Variants in FARP2 observed in about 807,000 individuals in gnomAD.
FARP2 encodes FERM, ARH/RhoGEF and pleckstrin domain protein 2.
FARP2 carries 111 observed loss-of-function variants against 130.5 expected under a neutral mutation model. The ratio of observed to expected loss-of-function variants is 0.85; its 90% CI spans 0.73 to 1.00. The LOEUF is 1.00. Ranked by LOEUF, FARP2 falls within the 50% of genes least tolerant of loss-of-function variation. FARP2 has a pLI of 0.00. For synonymous variants in FARP2, 504 were observed against 516.9 expected (o/e 0.98, Z 0.34); for missense variants, 1,385 against 1,346.3 (o/e 1.03, Z -0.45).
At chr2:241,452,391 T>C (rs2063683317) in intron 13 of FARP2, among the ~76,000 whole-genome samples, 1 of 152,188 alleles carries the variant, frequency 6.6e-6, no homozygotes, top group Non-Finnish European at 1.5e-5. Context: ...CGCCAGTTGC[T>C]TGTTTTAAAA....
chr2:241,491,603 G>A lies in FARP2; in HGVS notation c.2711G>A (p.Arg904Gln), dbSNP rs529733307. The A allele has an allele frequency of 6.1e-5, 98 of 1,613,726 alleles. No homozygotes were observed. The highest frequency in any genetic ancestry group is 1.7e-4 in the Middle Eastern group (1 of 6,060). The change falls in exon 24 of 27, where the codon CGG (arginine) becomes CAG (glutamine). Residue 904 changes from arginine to glutamine, a missense_variant. Physicochemically the swap from Arg to Gln is conservative, Grantham distance 43. Coordinates refer to ENST00000264042, the MANE Select transcript of FARP2 (RefSeq NM_014808.4). ...RSSLEGHGQH[R>Q]ANTTMHVCWY... Reference sequence around the variant, plus strand: ...TCCCTGGAGGGGCATGGCCAGCACCGGGCCAACACCACAATGCACGTGTGC... The same window carrying A: ...TCCCTGGAGGGGCATGGCCAGCACCAGGCCAACACCACAATGCACGTGTGC...
chr2:241,481,461 G>A (rs1428617359), intron 19 of FARP2, among the ~76,000 whole-genome samples: 11 of 152,214 alleles, frequency 7.2e-5, no homozygotes, highest in Admixed American at 7.2e-4. Flanking sequence ...AGCCTTGTTA[G>A]AAGAAGGTAT....
intron 13 of FARP2, among the ~76,000 whole-genome samples, chr2:241,453,769 G>T (rs11288777): frequency 0.27 from 14,713 of 54,122 alleles, 2,168 homozygotes; most frequent in Admixed American, 0.41. Context: ...GCACTTACTG[G>T]TTTTTTTTTT....
At chr2:241,458,827 G>C (rs1037024628) in intron 14 of FARP2, among the ~76,000 whole-genome samples, 1 of 152,250 alleles carries the variant, frequency 6.6e-6, no homozygotes, top group Non-Finnish European at 1.5e-5. Context: ...CTGGTGGCAA[G>C]TGGCCCTGGG....
intron 2 of FARP2, among the ~76,000 whole-genome samples, chr2:241,392,949 GAA>G (rs577909105): frequency 7.3e-6 from 1 of 137,068 alleles, no homozygotes; most frequent in Non-Finnish European, 1.6e-5. Context: ...TCTCAAAAAA[GAA>G]AAAAAAAAAG....
intron 2 of FARP2, among the ~76,000 whole-genome samples, chr2:241,396,665 A>G (rs1255390337): frequency 1.3e-5 from 2 of 152,264 alleles, no homozygotes; most frequent in African/African-American, 4.8e-5. Context: ...AATGGCGATC[A>G]TTAAAAAGTC....
chr2:241,466,264 G>A (rs1024391746), intron 17 of FARP2: 31 of 985,452 alleles, frequency 3.1e-5, no homozygotes, highest in East Asian at 2.3e-4. Flanking sequence ...CTGGAGCCCC[G>A]GTGTGGAGTG....
chr2:241,483,596 G>C (rs1025812509), intron 20 of FARP2, 63 bp downstream of exon 20: 2 of 1,533,016 alleles, frequency 1.3e-6, no homozygotes, highest in Admixed American at 1.7e-5. Context: ...AGTTCTGTTA[G>C]GGACATCGCC....
intron 8 of FARP2, among the ~76,000 whole-genome samples, chr2:241,431,217 C>G (rs932467899): frequency 1.3e-5 from 2 of 152,124 alleles, no homozygotes; most frequent in African/African-American, 4.8e-5. Flanking sequence ...CTTTTTCCAT[C>G]TCTTTGAACC....
chr2:241,463,424 C>A lies in FARP2; in HGVS notation c.1767C>A (p.Phe589Leu), dbSNP rs773044165. ...CCAACATCGATCCCATCTATGAGTT[C>A]CACAGAGGCTTCCTGCGCGAGGTGG... is the stretch of plus-strand genomic sequence containing the variant. The part of the protein sequence containing the change: ...LFSNIDPIYE[F>L]HRGFLREVEQ... Residue 589 changes from phenylalanine (F) to leucine (L), a missense_variant, in exon 16 of 27, where the codon TTC (phenylalanine) becomes TTA (leucine). Physicochemically the swap from Phe to Leu is conservative, Grantham distance 22 (BLOSUM62 0). Coordinates refer to ENST00000264042, the MANE Select transcript of FARP2 (RefSeq NM_014808.4). 3 of 1,614,112 alleles carry A rather than the reference C, an allele frequency of 1.9e-6. No homozygotes were observed. Among genetic ancestry groups the A allele is most frequent in the Admixed American group, 1.7e-5 (1 of 60,024 alleles).
At chr2:241,382,996 G>A (rs180824188) in intron 2 of FARP2, among the ~76,000 whole-genome samples, 178 of 152,332 alleles carry the variant, frequency 1.2e-3, no homozygotes, top group African/African-American at 3.8e-3. Context: ...AATAAGAATC[G>A]AGGAGTGCTG....
intron 19 of FARP2, among the ~76,000 whole-genome samples, chr2:241,476,436 C>G (rs928837921): frequency 6.6e-6 from 1 of 152,042 alleles, no homozygotes; most frequent in Non-Finnish European, 1.5e-5. Flanking sequence ...GCCTGTAATC[C>G]CAGCACTTTG....
chr2:241,376,131 C>T (rs2061530948), intron 2 of FARP2, among the ~76,000 whole-genome samples: 1 of 152,116 alleles, frequency 6.6e-6, no homozygotes, highest in Non-Finnish European at 1.5e-5. Flanking sequence ...ATTGCCTTAC[C>T]CACACATTTG....
At chr2:241,426,842 A>G (rs2062951100) in intron 8 of FARP2, among the ~76,000 whole-genome samples, 1 of 152,166 alleles carries the variant, frequency 6.6e-6, no homozygotes, top group Non-Finnish European at 1.5e-5. Flanking sequence ...GAAAGCTGTG[A>G]TTGTCCTTGG....
chr2:241,442,270 G>A (rs2063405643), intron 13 of FARP2: 1 of 456,550 alleles, frequency 2.2e-6, no homozygotes, highest in South Asian at 1.5e-5. Context: ...AGCCTACTCA[G>A]TCCGCTCTGA....
chr2:241,491,248 T>C, intron 23 of FARP2, 69 bp downstream of exon 23: 1 of 1,191,284 alleles, frequency 8.4e-7, no homozygotes, highest in South Asian at 1.2e-5. Flanking sequence ...GGAAACTGTT[T>C]TCCTTGGTCC....
intron 2 of FARP2, among the ~76,000 whole-genome samples, chr2:241,378,722 G>A (rs908589406): frequency 6.6e-6 from 1 of 152,124 alleles, no homozygotes; most frequent in African/African-American, 2.4e-5. Context: ...AAGCCAACTC[G>A]TAAACTGATT....
intron 2 of FARP2, among the ~76,000 whole-genome samples, chr2:241,386,255 A>AT (rs1165912123): frequency 6.6e-6 from 1 of 152,090 alleles, no homozygotes; most frequent in Non-Finnish European, 1.5e-5. Flanking sequence ...AAAAATATAT[A>AT]TTTTTTAATT....
chr2:241,392,669 T>C (rs560608993), intron 2 of FARP2, among the ~76,000 whole-genome samples: 76 of 152,216 alleles, frequency 5.0e-4, no homozygotes, highest in African/African-American at 1.8e-3. Context: ...TCTGGATGTG[T>C]TGGCTCATAC....
Sources: gnomAD v4.1 joint callset for allele counts (sites outside exome capture counted in the v4.1 genomes callset) on GRCh38, gnomAD v4.1.1 for gene constraint, MANE v1.5 for transcripts, NCBI Gene and HGNC (gene_info 2026-07-23, HGNC 2026-07-21) for gene names.